The following FAM168A variants were observed in gnomAD, a reference collection of about 807,000 sequenced individuals.
FAM168A encodes protein FAM168A.
A neutral mutation model predicts 28.5 loss-of-function variants in FAM168A; 3 were observed. The observed-to-expected ratio is 0.11, with a 90% CI of 0.05 to 0.27. The LOEUF (loss-of-function observed/expected upper bound fraction) is 0.27. Among genes scored for constraint, FAM168A ranks in the 10% least tolerant of loss-of-function variants. The pLI is 1.00. For synonymous variants in FAM168A, 122 were observed against 124.2 expected (o/e 0.98, Z 0.12); for missense variants, 222 against 311.5 (o/e 0.71, Z 2.16).
chr11:73,489,358 C>T (rs573520181), intron 1 of FAM168A, among the ~76,000 whole-genome samples: 12 of 152,162 alleles, frequency 7.9e-5, no homozygotes, highest in Non-Finnish European at 1.5e-4. Context: ...GATTTCCATT[C>T]CCACCACTCT....
intron 1 of FAM168A, among the ~76,000 whole-genome samples, chr11:73,560,577 T>C (rs1027264805): frequency 3.3e-5 from 5 of 152,212 alleles, no homozygotes; most frequent in Admixed American, 3.3e-4. Context: ...CAACCTGCCA[T>C]GTGCTAAAAA....
chr11:73,439,879 C>CTTTTTTTTTTT (rs761818483), intron 2 of FAM168A, among the ~76,000 whole-genome samples: 1 of 97,042 alleles, frequency 1.0e-5, no homozygotes, highest in Non-Finnish European at 2.0e-5. Flanking sequence ...TCTCAGGTCA[C>CTTTTTTTTTTT]TTTTTTTTTT....
chr11:73,427,888 T>C (rs1866917786), intron 3 of FAM168A, among the ~76,000 whole-genome samples: 1 of 152,180 alleles, frequency 6.6e-6, no homozygotes, highest in Non-Finnish European at 1.5e-5. Flanking sequence ...GGCCCCCCAA[T>C]GTGACCCTGC....
chr11:73,459,478 T>G (rs1368865176), intron 2 of FAM168A, among the ~76,000 whole-genome samples: 1 of 146,578 alleles, frequency 6.8e-6, no homozygotes, highest in Non-Finnish European at 1.5e-5. Flanking sequence ...AGAGCAAGAC[T>G]CTGAGTCAAA....
chr11:73,567,167 G>A (rs1022060764), intron 1 of FAM168A, among the ~76,000 whole-genome samples: 3 of 152,178 alleles, frequency 2.0e-5, no homozygotes, highest in Admixed American at 6.5e-5. Context: ...TGGGGATGGA[G>A]AGAAAGGAAT....
intron 1 of FAM168A, among the ~76,000 whole-genome samples, chr11:73,551,232 G>C (rs1240632321): frequency 1.3e-5 from 2 of 152,150 alleles, no homozygotes; most frequent in Non-Finnish European, 2.9e-5. Flanking sequence ...AAAACCTCTG[G>C]AAGGTTTTAA....
chr11:73,547,155 G>GA (rs1943768000), intron 1 of FAM168A, among the ~76,000 whole-genome samples: 2 of 146,684 alleles, frequency 1.4e-5, no homozygotes, highest in African/African-American at 5.0e-5. Context: ...GTAGGCAGAG[G>GA]AAAAGGCGGG....
At chr11:73,495,514 CCTT>C (rs1218464135) in intron 1 of FAM168A, among the ~76,000 whole-genome samples, 1 of 152,102 alleles carries the variant, frequency 6.6e-6, no homozygotes, top group African/African-American at 2.4e-5. Flanking sequence ...CTTCCAGCCT[CCTT>C]GAGTGACATC....
chr11:73,426,703 C>G (rs1866890480), intron 3 of FAM168A, among the ~76,000 whole-genome samples: 1 of 144,204 alleles, frequency 6.9e-6, no homozygotes, highest in African/African-American at 2.6e-5. Context: ...CCAAAATATG[C>G]TGTGTGTGTG....
intron 2 of FAM168A, 80 bp downstream of exon 2, chr11:73,468,325 C>T (rs1215498270): frequency 5.9e-6 from 8 of 1,345,210 alleles, no homozygotes; most frequent in Middle Eastern, 2.0e-4. Context: ...TGGAGGTATA[C>T]GTTAGGAGGA....
intron 1 of FAM168A, among the ~76,000 whole-genome samples, chr11:73,498,546 C>A (rs759275794): frequency 6.6e-6 from 1 of 152,146 alleles, no homozygotes; most frequent in Non-Finnish European, 1.5e-5. Context: ...GGCCCACTGT[C>A]TAAGCCGTTT....
At chr11:73,442,064 C>T (rs548929401) in intron 2 of FAM168A, among the ~76,000 whole-genome samples, 14 of 150,904 alleles carry the variant, frequency 9.3e-5, no homozygotes, top group Middle Eastern at 3.5e-3. Flanking sequence ...TTCATTTGCT[C>T]TTTTTCCCCG....
chr11:73,516,117 A>G (rs1325940004), intron 1 of FAM168A, among the ~76,000 whole-genome samples: 1 of 151,800 alleles, frequency 6.6e-6, no homozygotes, highest in Non-Finnish European at 1.5e-5. Context: ...AAAAAAAAAA[A>G]GAATCAGAAT....
intron 1 of FAM168A, among the ~76,000 whole-genome samples, chr11:73,484,711 GATATAT>G (rs200499459): frequency 1.5e-5 from 2 of 129,072 alleles, no homozygotes; most frequent in African/African-American, 7.3e-5. Context: ...GATATATATA[GATATAT>G]ATATAGATAT....
intron 1 of FAM168A, among the ~76,000 whole-genome samples, chr11:73,472,667 A>T (rs190288438): frequency 6.6e-6 from 1 of 152,002 alleles, no homozygotes; most frequent in Non-Finnish European, 1.5e-5. Flanking sequence ...ATGAAAGATG[A>T]TGGTGGTAGT....
intron 3 of FAM168A, among the ~76,000 whole-genome samples, chr11:73,427,823 G>A (rs1866916378): frequency 6.6e-6 from 1 of 152,128 alleles, no homozygotes; most frequent in African/African-American, 2.4e-5. Flanking sequence ...TGAGAAAATA[G>A]CCCAGTGCTG....
intron 5 of FAM168A, 132 bp from the exon 6 acceptor site, chr11:73,409,793 T>A: frequency 1.1e-6 from 1 of 878,672 alleles, no homozygotes; most frequent in Non-Finnish European, 1.7e-6. Flanking sequence ...GTGACTGTGG[T>A]CAGTGCAGTG....
At chr11:73,424,717 T>C (rs1866853297) in intron 3 of FAM168A, among the ~76,000 whole-genome samples, 1 of 152,170 alleles carries the variant, frequency 6.6e-6, no homozygotes, top group African/African-American at 2.4e-5. Context: ...AGGAGCTGCA[T>C]ACAGGCCCTG....
At chr11:73,521,440 C>T (rs935777395) in intron 1 of FAM168A, among the ~76,000 whole-genome samples, 6 of 151,840 alleles carry the variant, frequency 4.0e-5, no homozygotes, top group Admixed American at 3.3e-4. Context: ...TCCACTGAGC[C>T]CAAGGGTGGA....
Sources: allele counts gnomAD v4.1 joint callset (sites outside exome capture counted in the v4.1 genomes callset), GRCh38; gene constraint gnomAD v4.1.1; transcripts MANE v1.5; gene names NCBI Gene and HGNC (gene_info 2026-07-23, HGNC 2026-07-21).